Variants in CCDC149 observed in about 807,000 individuals in gnomAD.
CCDC149 encodes coiled-coil domain containing 149.
A neutral mutation model predicts 59.9 loss-of-function variants in CCDC149; 45 were observed. The observed-to-expected ratio is 0.75, with a 90% CI of 0.59 to 0.96. The LOEUF is 0.96. Ranked by LOEUF, CCDC149 falls within the 40% of genes least tolerant of loss-of-function variation. The pLI is 0.00. For missense variants in CCDC149, 584 were observed against 664.7 expected, an observed-to-expected ratio of 0.88 and a Z score of 1.33; for synonymous variants, 245 against 260.6, an observed-to-expected ratio of 0.94 and a Z score of 0.58.
At chr4:24,943,395 T>C (rs10003397) in intron 1 of CCDC149, among the ~76,000 whole-genome samples, 131,367 of 150,490 alleles carry the variant, frequency 0.87, 57,403 homozygotes, top group South Asian at 0.91. Flanking sequence ...CCCTTCCTTA[T>C]ACCTTATACA....
intron 8 of CCDC149, among the ~76,000 whole-genome samples, chr4:24,834,275 T>C (rs1206503365): frequency 6.6e-6 from 1 of 152,178 alleles, no homozygotes; most frequent in Non-Finnish European, 1.5e-5. Flanking sequence ...GCTGAGCATA[T>C]TCGACTCGAG....
chr4:24,972,859 T>C (rs1355011064), intron 1 of CCDC149, among the ~76,000 whole-genome samples: 1 of 152,206 alleles, frequency 6.6e-6, no homozygotes, highest in Non-Finnish European at 1.5e-5. Context: ...CGAATCTCTG[T>C]TAACTAGATA....
chr4:24,836,422 C>T lies in CCDC149; in HGVS notation c.735+14G>A. 1 of 1,559,786 alleles carries T rather than the reference C, an allele frequency of 6.4e-7. No individual in the cohort carries two copies. Among genetic ancestry groups the T allele is most frequent in the Non-Finnish European group, 8.8e-7 (1 of 1,131,100 alleles). On this transcript the variant is annotated intron_variant, in intron 7 of 12. Coordinates refer to ENST00000635206, the MANE Select transcript of CCDC149 (RefSeq NM_001330643.2). Reference sequence around the variant, plus strand: ...AATAGTCAATCACCATCACTGTCATCATGATTTTGCTACCTTGTATTTGGC... The same window carrying T: ...AATAGTCAATCACCATCACTGTCATTATGATTTTGCTACCTTGTATTTGGC...
At chr4:24,880,000 G>A (rs1009548231) in intron 1 of CCDC149, among the ~76,000 whole-genome samples, 3 of 152,210 alleles carry the variant, frequency 2.0e-5, no homozygotes, top group Non-Finnish European at 2.9e-5. Context: ...GAGCCATTCC[G>A]GTGAGTGTCT....
At chr4:24,840,747 G>A (rs1716885295) in intron 4 of CCDC149, among the ~76,000 whole-genome samples, 1 of 152,178 alleles carries the variant, frequency 6.6e-6, no homozygotes. Context: ...GACAATATGA[G>A]TGTTAGAGAA....
At chr4:24,905,479 A>C (rs1721440128) in intron 1 of CCDC149, among the ~76,000 whole-genome samples, 1 of 149,150 alleles carries the variant, frequency 6.7e-6, no homozygotes, top group South Asian at 2.1e-4. Context: ...TTTGTTGCCC[A>C]GGCTGGAGTT....
chr4:24,868,630 T>C (rs965075922), intron 3 of CCDC149, among the ~76,000 whole-genome samples: 1 of 152,194 alleles, frequency 6.6e-6, no homozygotes, highest in Non-Finnish European at 1.5e-5. Flanking sequence ...GGGGCACTAA[T>C]AGAAATGATC....
intron 9 of CCDC149, chr4:24,831,255 A>C: frequency 2.4e-6 from 1 of 414,440 alleles, no homozygotes; most frequent in South Asian, 3.3e-5. Context: ...CATGAAATAC[A>C]TACTACTCAG....
chr4:24,936,173 T>C (rs1295890286), intron 1 of CCDC149, among the ~76,000 whole-genome samples: 2 of 152,140 alleles, frequency 1.3e-5, no homozygotes, highest in Admixed American at 1.3e-4. Context: ...GCAGCTAATA[T>C]ACACAACTCT....
At chr4:24,912,777 C>A in intron 1 of CCDC149, 40 bp downstream of exon 1, 1 of 1,213,980 alleles carries the variant, frequency 8.2e-7, no homozygotes, top group Non-Finnish European at 1.0e-6. Context: ...GGCGGCCGCT[C>A]GGCCCGGCCC....
chr4:24,946,937 T>C (rs1723125744), intron 1 of CCDC149, among the ~76,000 whole-genome samples: 1 of 152,234 alleles, frequency 6.6e-6, no homozygotes, highest in South Asian at 2.1e-4. Flanking sequence ...TATTTCCTCT[T>C]TGTAATGCCA....
At position 24,822,559 on chromosome 4, in the gene CCDC149, C is replaced by A; in HGVS notation, c.980G>T (p.Arg327Leu). 1 of 1,535,344 alleles carries A rather than the reference C, an allele frequency of 6.5e-7. No homozygotes were observed. Among genetic ancestry groups the A allele is most frequent in the South Asian group, 1.2e-5 (1 of 81,774 alleles). ...TAATTTTTTTTCCAGCTCAGCCACCCGATTCCCTAGGATTCTGAAAAAAGG... is the reference window on the plus strand; with the variant it reads ...TAATTTTTTTTCCAGCTCAGCCACCAGATTCCCTAGGATTCTGAAAAAAGG... The change falls in exon 10 of 13, where the codon CGG (arginine) becomes CTG (leucine). Residue 327 changes from arginine (R) to leucine (L), a missense_variant. Physicochemically the swap from Arg to Leu is moderately radical, Grantham distance 102. Coordinates refer to ENST00000635206, the MANE Select transcript of CCDC149 (RefSeq NM_001330643.2).
chr4:24,977,523 A>G (rs1383710372), intron 1 of CCDC149, among the ~76,000 whole-genome samples: 1 of 152,166 alleles, frequency 6.6e-6, no homozygotes, highest in African/African-American at 2.4e-5. Flanking sequence ...CCTAATTAAT[A>G]TTATCTGTGA....
intron 1 of CCDC149, among the ~76,000 whole-genome samples, chr4:24,912,189 G>A (rs182361810): frequency 7.1e-4 from 108 of 152,318 alleles, no homozygotes; most frequent in Non-Finnish European, 7.2e-4. Flanking sequence ...TCGCAGGGCA[G>A]GGGGACACGG....
At chr4:24,919,319 T>C (rs1483028661) in intron 1 of CCDC149, among the ~76,000 whole-genome samples, 3 of 152,150 alleles carry the variant, frequency 2.0e-5, no homozygotes, top group Non-Finnish European at 4.4e-5. Context: ...CCAAGAAGCT[T>C]AATACTGCAG....
chr4:24,938,483 G>T (rs1722847083), intron 1 of CCDC149, among the ~76,000 whole-genome samples: 2 of 152,238 alleles, frequency 1.3e-5, no homozygotes, highest in Non-Finnish European at 2.9e-5. Flanking sequence ...CGATGCAGAA[G>T]ACAGGTGATT....
At chr4:24,814,876 C>T (rs1714911662) in intron 12 of CCDC149, among the ~76,000 whole-genome samples, 1 of 152,164 alleles carries the variant, frequency 6.6e-6, no homozygotes, top group African/African-American at 2.4e-5. Context: ...CACCCCTGTC[C>T]CCAGCACCTA....
At chr4:24,913,753 C>T (rs1427603004), upstream of CCDC149, among the ~76,000 whole-genome samples, 1 of 152,036 alleles carries the variant, frequency 6.6e-6, no homozygotes, top group Non-Finnish European at 1.5e-5. Flanking sequence ...AGAGCAGCCT[C>T]GGCCACAAAG....
chr4:24,967,820 A>G (rs758674946), intron 1 of CCDC149, among the ~76,000 whole-genome samples: 10 of 151,996 alleles, frequency 6.6e-5, no homozygotes, highest in Non-Finnish European at 1.2e-4. Flanking sequence ...CAATGAATCC[A>G]AGGTCCAAGG....
Sources: gnomAD v4.1 joint callset for allele counts (sites outside exome capture counted in the v4.1 genomes callset) on GRCh38, gnomAD v4.1.1 for gene constraint, MANE v1.5 for transcripts, NCBI Gene and HGNC (gene_info 2026-07-23, HGNC 2026-07-21) for gene names.